GRIN2B: variants seen among roughly 807,000 people sequenced by gnomAD.
GRIN2B encodes glutamate receptor ionotropic, NMDA 2B.
Under a neutral mutation model 114.5 loss-of-function variants are expected in GRIN2B, and 5 were observed. The ratio of observed to expected loss-of-function variants is 0.04; its 90% CI spans 0.02 to 0.09. GRIN2B has a LOEUF of 0.09. GRIN2B is among the 10% of genes least tolerant of loss of function. The probability of loss-of-function intolerance (pLI) is 1.00; values close to 1 mark genes in which losing one functional copy is unlikely to be tolerated. For missense variants in GRIN2B, 1,108 were observed against 1,943.5 expected (o/e 0.57, Z 8.08); for synonymous variants, 787 against 745.1 (o/e 1.06, Z -0.92).
intron 3 of GRIN2B, among the ~76,000 whole-genome samples, chr12:13,844,923 C>T (rs183240829): frequency 1.3e-5 from 2 of 152,188 alleles, no homozygotes; most frequent in South Asian, 4.1e-4. Context: ...CCTTCCTGTT[C>T]TCTCTTCCAA....
At chr12:13,878,090 C>T (rs1377306657) in intron 2 of GRIN2B, among the ~76,000 whole-genome samples, 1 of 136,544 alleles carries the variant, frequency 7.3e-6, no homozygotes, top group Non-Finnish European at 1.6e-5. Flanking sequence ...AAAAAAAAAT[C>T]TACTGTCTAC....
chr12:13,619,795 A>C (rs10772697), intron 5 of GRIN2B, among the ~76,000 whole-genome samples: 2 of 152,172 alleles, frequency 1.3e-5, no homozygotes, highest in Admixed American at 1.3e-4. Context: ...GCTACAGAGG[A>C]GTTTGATGAC....
At chr12:13,746,964 T>C (rs1863396748) in intron 4 of GRIN2B, among the ~76,000 whole-genome samples, 1 of 152,176 alleles carries the variant, frequency 6.6e-6, no homozygotes, top group African/African-American at 2.4e-5. Flanking sequence ...CCTGCAAAAC[T>C]GTGAGCCAAA....
chr12:13,658,134 G>A (rs1205568131), intron 5 of GRIN2B, among the ~76,000 whole-genome samples: 1 of 151,924 alleles, frequency 6.6e-6, no homozygotes, highest in Non-Finnish European at 1.5e-5. Context: ...TTGAACCCGG[G>A]AGGCTGAGGT....
intron 5 of GRIN2B, among the ~76,000 whole-genome samples, chr12:13,663,794 A>G (rs1949947309): frequency 2.0e-5 from 3 of 152,158 alleles, no homozygotes; most frequent in Non-Finnish European, 4.4e-5. Context: ...GTAGTTAAGT[A>G]TGGTCAATTT....
At chr12:13,788,694 T>C (rs1342668368) in intron 3 of GRIN2B, among the ~76,000 whole-genome samples, 2 of 49,516 alleles carry the variant, frequency 4.0e-5, no homozygotes, top group African/African-American at 1.6e-4. Flanking sequence ...TTTCTGTGTA[T>C]TGATGTTTCA....
In GRIN2B at chr12:13,563,451, G is replaced by C. The variant is rs1378542850; in HGVS notation, c.3787C>G (p.Leu1263Val). 1 of 1,614,220 alleles carries C rather than the reference G, an allele frequency of 6.2e-7. No individual in the cohort carries two copies. The highest frequency in any genetic ancestry group is 1.3e-5 in the African/African-American group (1 of 75,058). Reference sequence around the variant, plus strand: ...GCCACTGGGGCAGCCGGCTGGTCCAGTTCCTGCAGGGAGTTGTCCTCACTG... The same window carrying C: ...GCCACTGGGGCAGCCGGCTGGTCCACTTCCTGCAGGGAGTTGTCCTCACTG... ...DISEDNSLQE[L>V]DQPAAPVAVT... Residue 1263 changes from leucine (L) to valine (V), a missense_variant, in exon 14 of 14, where the codon CTG becomes GTG. By Grantham distance (32) the Leu-to-Val change is conservative. This residue lies in a region of GRIN2B where 478 missense variants were observed against 506.0 expected (regional missense o/e 0.94). Transcript: ENST00000609686.
At chr12:13,623,250 A>G (rs1949535036) in intron 5 of GRIN2B, among the ~76,000 whole-genome samples, 1 of 152,210 alleles carries the variant, frequency 6.6e-6, no homozygotes, top group Non-Finnish European at 1.5e-5. Context: ...ATTGATATTT[A>G]TGATATTTCC....
At chr12:13,571,708 T>C in intron 11 of GRIN2B, 96 bp downstream of exon 11, 1 of 1,272,016 alleles carries the variant, frequency 7.9e-7, no homozygotes, top group Non-Finnish European at 1.2e-6. Context: ...CATTTTATGA[T>C]ACCAAGCATG....
intron 10 of GRIN2B, among the ~76,000 whole-genome samples, chr12:13,605,551 TGACACACA>T (rs1439511570): frequency 6.6e-5 from 2 of 30,448 alleles, no homozygotes; most frequent in African/African-American, 2.1e-4. Context: ...TCTCTCTCTC[TGACACACA>T]CACACACACA....
intron 10 of GRIN2B, among the ~76,000 whole-genome samples, chr12:13,586,834 T>C (rs1186906577): frequency 6.6e-6 from 1 of 152,224 alleles, no homozygotes; most frequent in Non-Finnish European, 1.5e-5. Flanking sequence ...TTCACTGTTC[T>C]CAAATTCACA....
chr12:13,690,200 T>G (rs964214097), intron 4 of GRIN2B, among the ~76,000 whole-genome samples: 1 of 152,020 alleles, frequency 6.6e-6, no homozygotes, highest in African/African-American at 2.4e-5. Flanking sequence ...ATTGATTTGT[T>G]TTTCACTTGC....
chr12:13,942,168 A>T (rs1352827142), intron 2 of GRIN2B, among the ~76,000 whole-genome samples: 1 of 152,198 alleles, frequency 6.6e-6, no homozygotes, highest in Non-Finnish European at 1.5e-5. Flanking sequence ...ATCGGGGGTC[A>T]TAAGTAATTG....
At chr12:13,596,202 C>G (rs947970633) in intron 10 of GRIN2B, among the ~76,000 whole-genome samples, 1 of 152,152 alleles carries the variant, frequency 6.6e-6, no homozygotes, top group African/African-American at 2.4e-5. Flanking sequence ...TAACACCCAG[C>G]TCAACATCTC....
chr12:13,860,614 G>A (rs928735121), intron 3 of GRIN2B, among the ~76,000 whole-genome samples: 6 of 152,120 alleles, frequency 3.9e-5, no homozygotes, highest in East Asian at 1.9e-4. Flanking sequence ...ATGAGCCACC[G>A]TGCCTGGCCC....
At chr12:13,889,594 T>C (rs1866224723) in intron 2 of GRIN2B, among the ~76,000 whole-genome samples, 4 of 152,172 alleles carry the variant, frequency 2.6e-5, no homozygotes. Flanking sequence ...GTTAAGTGAC[T>C]ACCTTAAAAT....
At chr12:13,939,945 C>T (rs973691819) in intron 2 of GRIN2B, among the ~76,000 whole-genome samples, 1 of 152,050 alleles carries the variant, frequency 6.6e-6, no homozygotes, top group Non-Finnish European at 1.5e-5. Flanking sequence ...TGTGCCTGTG[C>T]ATTAGGTACG....
At chr12:13,813,160 G>A (rs1024653638) in intron 3 of GRIN2B, among the ~76,000 whole-genome samples, 1 of 151,924 alleles carries the variant, frequency 6.6e-6, no homozygotes, top group Middle Eastern at 3.4e-3. Flanking sequence ...GGCTGGTCTC[G>A]AACTCCTGAT....
chr12:13,733,374 A>T (rs763541573), intron 4 of GRIN2B, among the ~76,000 whole-genome samples: 2 of 151,990 alleles, frequency 1.3e-5, no homozygotes, highest in Non-Finnish European at 2.9e-5. Context: ...AGCTCTACCA[A>T]GTAGGCCTGA....
Sources: gnomAD v4.1 joint callset for allele counts (sites outside exome capture counted in the v4.1 genomes callset) on GRCh38, gnomAD v4.1.1 for gene constraint, gnomAD v4.1.1 regional missense constraint, MANE v1.5 for transcripts, NCBI Gene and HGNC (gene_info 2026-07-23, HGNC 2026-07-21) for gene names.